NLRP4: variants seen among roughly 807,000 people sequenced by gnomAD.
NLRP4 encodes the protein NLR family pyrin domain containing 4, also known as NACHT, LRR and PYD domains-containing protein 4.
A neutral mutation model predicts 84.7 loss-of-function variants in NLRP4; 44 were observed. The observed-to-expected ratio is 0.52, with a 90% CI of 0.41 to 0.67. The LOEUF (loss-of-function observed/expected upper bound fraction) is 0.67, where lower values mean the gene tolerates loss of function less well. Ranked by LOEUF, NLRP4 falls within the 30% of genes least tolerant of loss-of-function variation. The pLI is 0.00. For synonymous variants in NLRP4, 544 were observed against 476.4 expected (o/e 1.14, Z -1.85); for missense variants, 1,260 against 1,219.4 (o/e 1.03, Z -0.50).
At chr19:55,870,667 A>G (rs756218595) in intron 6 of NLRP4, among the ~76,000 whole-genome samples, 160 bp from the exon 7 acceptor site, 5 of 152,238 alleles carry the variant, frequency 3.3e-5, no homozygotes, top group Non-Finnish European at 7.3e-5. Context: ...CCATCTCAAA[A>G]GAATAAATGA....
At chr19:55,857,368 G>T (rs1984481002) in intron 2 of NLRP4, 35 of 347,814 alleles carry the variant, frequency 1.0e-4, no homozygotes, top group Non-Finnish European at 1.4e-4. Context: ...TCTATTGAAA[G>T]CAGAAGTTGT....
chr19:55,837,607 A>AACACACACACACACACACACACACACAC (rs145535303), intron 1 of NLRP4, among the ~76,000 whole-genome samples: 2 of 151,582 alleles, frequency 1.3e-5, no homozygotes, highest in Middle Eastern at 3.4e-3. Flanking sequence ...CAACCCTAAA[A>AACACACACACACACACACACACACACAC]ACACACACAC....
intron 6 of NLRP4, among the ~76,000 whole-genome samples, chr19:55,868,722 G>A (rs1362647438): frequency 1.3e-5 from 2 of 151,980 alleles, no homozygotes; most frequent in African/African-American, 4.8e-5. Flanking sequence ...GGCTGGTCTC[G>A]AGTGTGTCTA....
chr19:55,839,361 A>G lies in NLRP4; in HGVS notation c.-66+2427A>G, dbSNP rs543852828. Among the ~76,000 whole-genome samples the G allele has an allele frequency of 5.1e-4, 77 of 152,102 alleles. 1 individual carries two copies. Among genetic ancestry groups the G allele is most frequent in the African/African-American group, 1.8e-3 (73 of 41,514 alleles). Reference sequence around the variant, plus strand: ...TATACACACATGCTTATGCTCTCACACACACATACCCACACACATGCTCTC... The same window carrying G: ...TATACACACATGCTTATGCTCTCACGCACACATACCCACACACATGCTCTC... On this transcript the variant is annotated intron_variant, in intron 1 of 9. Coordinates refer to ENST00000301295, the MANE Select transcript of NLRP4 (RefSeq NM_134444.5).
rs1568658332 is a variant in NLRP4 at position 55,849,994 on chromosome 19, A to ACTGCGGTGTAATTTCCGTAG, written c.-65-2013_-65-2012insAATTTCCGTAGCTGCGGTGT. On this transcript the variant is annotated intron_variant, in intron 1 of 9. Transcript: ENST00000301295. ...CCGTAGCTGCGGTGTAATTTCCGAG[A>ACTGCGGTGTAATTTCCGTAG]CTGCGGTGTGATTTCCGAGACTGCG... Among the ~76,000 whole-genome samples the ACTGCGGTGTAATTTCCGTAG allele has an allele frequency of 8.8e-4, 9 of 10,264 alleles. 1 individual carries two copies. The highest frequency in any genetic ancestry group is 4.5e-3 in the East Asian group (2 of 446). 6.7% of individuals were successfully genotyped at this position (10,264 alleles called of 152,430 possible).
intron 1 of NLRP4, among the ~76,000 whole-genome samples, chr19:55,844,656 T>C (rs927574921): frequency 1.3e-5 from 2 of 152,174 alleles, no homozygotes; most frequent in Non-Finnish European, 2.9e-5. Context: ...ATCTTACATG[T>C]TCCAGTACAG....
At chr19:55,843,567 C>T (rs1983691374) in intron 1 of NLRP4, among the ~76,000 whole-genome samples, 1 of 152,046 alleles carries the variant, frequency 6.6e-6, no homozygotes, top group Admixed American at 6.6e-5. Context: ...TGATGGGCAC[C>T]TGTGATCCCA....
intron 7 of NLRP4, among the ~76,000 whole-genome samples, chr19:55,873,608 A>G (rs572276420): frequency 1.3e-5 from 2 of 152,320 alleles, no homozygotes; most frequent in East Asian, 3.8e-4. Flanking sequence ...TCACTTTAAT[A>G]TAGTTAATCT....
chr19:55,852,371 C>G lies in NLRP4; in HGVS notation c.280+11C>G, dbSNP rs769469422. On this transcript the variant is annotated intron_variant, in intron 2 of 9. Transcript: ENST00000301295. ...TGAGGGAGAGAACAGGTGAGGGAGTCTGGGAAGGGGGAAGCCTTCTTATAA... is the reference window on the plus strand; with the variant it reads ...TGAGGGAGAGAACAGGTGAGGGAGTGTGGGAAGGGGGAAGCCTTCTTATAA... 4 of 1,566,106 alleles carry G rather than the reference C, an allele frequency of 2.6e-6. No homozygotes were observed. The highest frequency in any genetic ancestry group is 3.4e-6 in the Non-Finnish European group (4 of 1,159,538).
Position 55,850,054 on chromosome 19 carries a change from G to A in NLRP4, c.-65-1962G>A, listed in dbSNP as rs796649922. On this transcript the variant is annotated intron_variant, in intron 1 of 9. Transcript: ENST00000301295. ...CCGAGACTGCGGTGTGATTTCCGTAGCTGCGGTGGAATTTCCGAGACTGCG... is the reference window on the plus strand; with the variant it reads ...CCGAGACTGCGGTGTGATTTCCGTAACTGCGGTGGAATTTCCGAGACTGCG... Among the ~76,000 whole-genome samples the A allele has an allele frequency of 1.5e-4, 16 of 107,764 alleles. 1 individual carries two copies. The highest frequency in any genetic ancestry group is 8.7e-4 in the African/African-American group (14 of 16,056). The allele number at this position is 107,764 out of a possible 152,430, so 70.7% of individuals were successfully genotyped here. A position where few individuals can be genotyped will look rare whatever the true frequency, so the allele number is the denominator to read the frequency against.
chr19:55,856,261 T>C (rs1420531772), intron 2 of NLRP4, among the ~76,000 whole-genome samples: 2 of 152,118 alleles, frequency 1.3e-5, no homozygotes, highest in African/African-American at 4.8e-5. Flanking sequence ...CCCAAAGTGC[T>C]GGGATTATAG....
At chr19:55,840,344 A>ATATG (rs1555806405) in intron 1 of NLRP4, among the ~76,000 whole-genome samples, 100 of 119,720 alleles carry the variant, frequency 8.4e-4, no homozygotes, top group Non-Finnish European at 1.6e-3. Context: ...GTGTATGTGT[A>ATATG]TGTGTGTGTG....
At chr19:55,879,121 ACT>A (rs377759220) in intron 9 of NLRP4, among the ~76,000 whole-genome samples, 157 bp downstream of exon 9, 160 of 152,036 alleles carry the variant, frequency 1.1e-3, no homozygotes, top group Middle Eastern at 6.8e-3. Flanking sequence ...TGAGTATAAA[ACT>A]CTTACCACAG....
At position 55,858,989 on chromosome 19, in the gene NLRP4, C is replaced by A; in HGVS notation, c.1596C>A (p.His532Gln). The A allele has an allele frequency of 6.2e-7, 1 of 1,614,152 alleles. No homozygotes were observed. Among genetic ancestry groups the A allele is most frequent in the Non-Finnish European group, 8.5e-7 (1 of 1,180,006 alleles). ...CCCAAGAGATAAAGCAGCAAATTCA[C>A]CAGTGCCTGAAGAGCTTAGGGGAGC... ...QLSQEIKQQI[H>Q]QCLKSLGERG... The change falls in exon 3 of 10, where the codon CAC (histidine) becomes CAA (glutamine). Residue 532 changes from histidine (H) to glutamine (Q), a missense_variant. His to Gln is a conservative substitution (Grantham distance 24). Around this residue, in one of 3 missense-constraint regions of NLRP4, gnomAD observed 712 missense variants for 669.2 expected, o/e 1.06. Coordinates refer to ENST00000301295, the MANE Select transcript of NLRP4 (RefSeq NM_134444.5). The surrounding 1 kb of genome is among the most constrained non-coding windows in gnomAD (Gnocchi z 4.2).
intron 1 of NLRP4, among the ~76,000 whole-genome samples, chr19:55,837,961 A>G (rs215216): frequency 0.3 from 44,504 of 147,978 alleles, 7,950 homozygotes; most frequent in African/African-American, 0.51. Context: ...GCCTGAACCC[A>G]GGAGGTGGAG....
chr19:55,871,112 A>G, intron 7 of NLRP4, 115 bp downstream of exon 7: 1 of 860,078 alleles, frequency 1.2e-6, no homozygotes, highest in Non-Finnish European at 1.8e-6. Context: ...GGGCATGTGA[A>G]GGTTTAAAAA....
At chr19:55,850,018 C>CGGTGTAATTTCCGTAGCTGT (rs1568658398) in intron 1 of NLRP4, among the ~76,000 whole-genome samples, 24 of 123,172 alleles carry the variant, frequency 1.9e-4, no homozygotes, top group African/African-American at 7.9e-4. Flanking sequence ...TCCGAGACTG[C>CGGTGTAATTTCCGTAGCTGT]GGTGTGATTT....
intron 1 of NLRP4, among the ~76,000 whole-genome samples, chr19:55,844,715 T>C (rs1983727461): frequency 4.6e-5 from 7 of 152,228 alleles, no homozygotes; most frequent in Admixed American, 4.6e-4. Context: ...CAGACTTCAG[T>C]TGCACTTTGT....
At chr19:55,867,558 A>C in intron 5 of NLRP4, 151 bp from the exon 6 acceptor site, 1 of 648,420 alleles carries the variant, frequency 1.5e-6, no homozygotes, top group Non-Finnish European at 2.7e-6. Context: ...TACCCCAGAG[A>C]CTGGGTTGAC....
Sources: allele counts gnomAD v4.1 joint callset (sites outside exome capture counted in the v4.1 genomes callset), GRCh38; gene constraint gnomAD v4.1.1; regional missense constraint gnomAD v4.1.1; non-coding constraint Gnocchi (gnomAD v3.1); transcripts MANE v1.5; gene names NCBI Gene and HGNC (gene_info 2026-07-23, HGNC 2026-07-21).